The following WWOX variants were observed in gnomAD, a reference collection of about 807,000 sequenced individuals.
The protein encoded by WWOX is WW domain containing oxidoreductase, also known as WW domain-containing oxidoreductase.
Under a neutral mutation model 46.2 loss-of-function variants are expected in WWOX, and 69 were observed. That is an observed-to-expected ratio of 1.49 (90% confidence interval 1.23 to 1.82). The LOEUF is 1.82. Ranked by LOEUF, WWOX falls within the 40% of genes most tolerant of loss-of-function variation. WWOX has a pLI of 0.00. For synonymous variants in WWOX, 359 were observed against 202.6 expected, an observed-to-expected ratio of 1.77 and a Z score of -6.56; for missense variants, 919 against 542.6, an observed-to-expected ratio of 1.69 and a Z score of -6.89.
chr16:78,423,578 T>C (rs1163543031), intron 6 of WWOX, among the ~76,000 whole-genome samples: 2 of 152,240 alleles, frequency 1.3e-5, no homozygotes, highest in Admixed American at 1.3e-4. Flanking sequence ...AACAATTTTG[T>C]TACGTTTGTG....
At chr16:78,114,855 G>C (rs1427322792) in intron 3 of WWOX, 121 bp from the exon 4 acceptor site, 2 of 1,286,098 alleles carry the variant, frequency 1.6e-6, no homozygotes, top group East Asian at 2.4e-5. Context: ...AGTTCTTTCA[G>C]GTTTAAGGAA....
At chr16:78,731,862 T>TTTTTTAG (rs34201735) in intron 8 of WWOX, among the ~76,000 whole-genome samples, 1 of 137,802 alleles carries the variant, frequency 7.3e-6, no homozygotes, top group African/African-American at 3.1e-5. Context: ...TTTTTTTTTT[T>TTTTTTAG]TGAGAGACAG....
chr16:78,692,193 A>T (rs2048005064), intron 8 of WWOX, among the ~76,000 whole-genome samples: 1 of 152,212 alleles, frequency 6.6e-6, no homozygotes. Context: ...GTGTGGTTGT[A>T]CTTCAACCTG....
intron 8 of WWOX, among the ~76,000 whole-genome samples, chr16:78,977,693 T>A (rs2046600171): frequency 1.3e-5 from 2 of 152,088 alleles, no homozygotes; most frequent in Non-Finnish European, 2.9e-5. Context: ...GACAGAGGGC[T>A]CGGATCATCA....
intron 8 of WWOX, among the ~76,000 whole-genome samples, chr16:78,486,899 T>C (rs530181185): frequency 1.3e-5 from 2 of 152,290 alleles, no homozygotes; most frequent in African/African-American, 4.8e-5. Flanking sequence ...AATTGCACCT[T>C]GGGTTCGGGT....
intron 8 of WWOX, among the ~76,000 whole-genome samples, chr16:79,081,363 C>T (rs926176840): frequency 2.6e-5 from 4 of 152,250 alleles, no homozygotes; most frequent in South Asian, 4.1e-4. Flanking sequence ...GGGGTTTTGC[C>T]GTGTTGGCCA....
chr16:79,036,794 C>G (rs1317892383), intron 8 of WWOX, among the ~76,000 whole-genome samples: 2 of 152,198 alleles, frequency 1.3e-5, no homozygotes, highest in South Asian at 2.1e-4. Flanking sequence ...CTGAGTGTAT[C>G]CTGTTTCAGA....
chr16:78,432,787 G>T (rs747568386), intron 8 of WWOX, 35 bp downstream of exon 8: 58 of 1,613,772 alleles, frequency 3.6e-5, no homozygotes, highest in Non-Finnish European at 4.9e-5. Flanking sequence ...CAAACACCTT[G>T]GGTCCTAGAG....
intron 8 of WWOX, among the ~76,000 whole-genome samples, chr16:78,971,621 TG>T (rs1298146615): frequency 6.6e-6 from 1 of 151,980 alleles, no homozygotes; most frequent in Non-Finnish European, 1.5e-5. Flanking sequence ...GGGTACTGGG[TG>T]GACCAAATCT....
At chr16:79,032,304 ACT>A (rs562684981) in intron 8 of WWOX, among the ~76,000 whole-genome samples, 6 of 145,884 alleles carry the variant, frequency 4.1e-5, no homozygotes, top group Admixed American at 1.4e-4. Context: ...TATAATGTAG[ACT>A]CTAATATGTA....
At chr16:78,316,548 G>A (rs138052617) in intron 5 of WWOX, among the ~76,000 whole-genome samples, 41 of 152,124 alleles carry the variant, frequency 2.7e-4, no homozygotes, top group African/African-American at 8.2e-4. Flanking sequence ...TTGCGGTGTT[G>A]GCCAGGCTGT....
At chr16:79,160,504 A>G (rs1393573235) in intron 8 of WWOX, among the ~76,000 whole-genome samples, 1 of 152,212 alleles carries the variant, frequency 6.6e-6, no homozygotes, top group African/African-American at 2.4e-5. Flanking sequence ...GGACTGCTCT[A>G]AGGATTAAAT....
chr16:78,829,126 G>GGATA (rs1333176102), intron 8 of WWOX, among the ~76,000 whole-genome samples: 2 of 137,106 alleles, frequency 1.5e-5, no homozygotes, highest in African/African-American at 2.5e-5. Context: ...ATGGATGGAT[G>GGATA]GATGGAGAGA....
At chr16:78,439,958 G>C (rs1368466323) in intron 8 of WWOX, among the ~76,000 whole-genome samples, 1 of 152,174 alleles carries the variant, frequency 6.6e-6, no homozygotes, top group Non-Finnish European at 1.5e-5. Flanking sequence ...AGAGCATTCT[G>C]CTTCAGAACT....
At chr16:78,163,045 G>A (rs2034847558) in intron 4 of WWOX, among the ~76,000 whole-genome samples, 1 of 151,982 alleles carries the variant, frequency 6.6e-6, no homozygotes, top group Admixed American at 6.6e-5. Context: ...TTTAATCACT[G>A]TTTCTGAATA....
At chr16:78,861,859 A>G (rs549965231) in intron 8 of WWOX, among the ~76,000 whole-genome samples, 62 of 152,308 alleles carry the variant, frequency 4.1e-4, no homozygotes, top group Middle Eastern at 6.8e-3. Context: ...CCAGGCCTCT[A>G]ATGTTTTCTA....
chr16:78,728,588 C>G (rs1265838203), intron 8 of WWOX, among the ~76,000 whole-genome samples: 1 of 152,130 alleles, frequency 6.6e-6, no homozygotes, highest in Admixed American at 6.5e-5. Context: ...TCAAGTGACA[C>G]CTTAGCATTC....
intron 4 of WWOX, among the ~76,000 whole-genome samples, chr16:78,131,733 G>C (rs1044489590): frequency 3.3e-5 from 5 of 151,206 alleles, no homozygotes; most frequent in African/African-American, 1.2e-4. Flanking sequence ...AGGTGTGTGT[G>C]CCACCACGCC....
chr16:78,335,079 A>G (rs1567508656), intron 5 of WWOX, among the ~76,000 whole-genome samples: 1 of 152,162 alleles, frequency 6.6e-6, no homozygotes, highest in Non-Finnish European at 1.5e-5. Flanking sequence ...TTTATTCCAC[A>G]CATAATGAAT....
Sources: allele counts gnomAD v4.1 joint callset (sites outside exome capture counted in the v4.1 genomes callset), GRCh38; gene constraint gnomAD v4.1.1; transcripts MANE v1.5; gene names NCBI Gene and HGNC (gene_info 2026-07-23, HGNC 2026-07-21).